The following RABGAP1L variants were observed in gnomAD, a reference collection of about 807,000 sequenced individuals.
The protein encoded by RABGAP1L is RAB GTPase activating protein 1 like, also known as rab GTPase-activating protein 1-like.
In RABGAP1L, 63 loss-of-function variants were observed where a neutral mutation model predicts 137.7. That is an observed-to-expected ratio of 0.46 (90% CI 0.37 to 0.56). The LOEUF (loss-of-function observed/expected upper bound fraction) is 0.56. Among genes scored for constraint, RABGAP1L ranks in the 20% least tolerant of loss-of-function variants. The probability of loss-of-function intolerance (pLI) is 0.00; values close to 1 mark genes in which losing one functional copy is unlikely to be tolerated. For synonymous variants in RABGAP1L, 431 were observed against 433.7 expected (o/e 0.99, Z 0.08); for missense variants, 1,095 against 1,244.0 (o/e 0.88, Z 1.80).
chr1:174,266,826 A>G (rs1200882966), intron 7 of RABGAP1L, among the ~76,000 whole-genome samples: 3 of 152,198 alleles, frequency 2.0e-5, no homozygotes, highest in African/African-American at 7.2e-5. Flanking sequence ...CAGTGCTACA[A>G]AGAAATGAAA....
intron 18 of RABGAP1L, among the ~76,000 whole-genome samples, chr1:174,777,108 C>T (rs1686583539): frequency 6.6e-6 from 1 of 152,162 alleles, no homozygotes; most frequent in South Asian, 2.1e-4. Flanking sequence ...AGCCAAGAAA[C>T]ATATTTGACG....
chr1:174,679,484 A>G (rs1677888799), intron 14 of RABGAP1L, among the ~76,000 whole-genome samples: 1 of 152,242 alleles, frequency 6.6e-6, no homozygotes, highest in African/African-American at 2.4e-5. Flanking sequence ...TTCATGGTGA[A>G]AGACAATGTT....
chr1:174,636,913 T>G (rs944549806), intron 13 of RABGAP1L, among the ~76,000 whole-genome samples: 1 of 152,102 alleles, frequency 6.6e-6, no homozygotes, highest in African/African-American at 2.4e-5. Context: ...TAGAAAAAAA[T>G]GCAAAGAAGA....
At chr1:174,636,376 A>G (rs1184681576) in intron 13 of RABGAP1L, among the ~76,000 whole-genome samples, 1 of 152,022 alleles carries the variant, frequency 6.6e-6, no homozygotes, top group Non-Finnish European at 1.5e-5. Flanking sequence ...ACACACAAAA[A>G]AAATAGCTGG....
chr1:174,967,975 T>C (rs1444220487), intron 20 of RABGAP1L, among the ~76,000 whole-genome samples: 1 of 151,138 alleles, frequency 6.6e-6, no homozygotes, highest in Non-Finnish European at 1.5e-5. Flanking sequence ...GCTGGTATAA[T>C]CAAGGTGCGG....
chr1:174,747,869 AT>A (rs1266306653), intron 17 of RABGAP1L, among the ~76,000 whole-genome samples: 1 of 121,814 alleles, frequency 8.2e-6, no homozygotes, highest in Non-Finnish European at 1.6e-5. Context: ...TATGCATTTT[AT>A]CTTTTTTTTT....
chr1:174,632,966 G>T (rs1250912223), intron 13 of RABGAP1L, among the ~76,000 whole-genome samples: 2 of 151,978 alleles, frequency 1.3e-5, no homozygotes, highest in Non-Finnish European at 2.9e-5. Context: ...GAGGAGAGGC[G>T]CTCTGCGTTT....
intron 1 of RABGAP1L, among the ~76,000 whole-genome samples, chr1:174,183,760 A>C (rs1412897837): frequency 6.6e-6 from 1 of 152,142 alleles, no homozygotes; most frequent in East Asian, 1.9e-4. Flanking sequence ...TCCTGTCTTC[A>C]GCCTATTCCT....
At chr1:174,210,434 T>C (rs1668800413) in intron 1 of RABGAP1L, among the ~76,000 whole-genome samples, 1 of 152,174 alleles carries the variant, frequency 6.6e-6, no homozygotes, top group Admixed American at 6.5e-5. Context: ...AATTGAAAAA[T>C]GCTGTTGACA....
intron 18 of RABGAP1L, among the ~76,000 whole-genome samples, chr1:174,778,151 C>A (rs1229135480): frequency 9.2e-5 from 14 of 152,100 alleles, no homozygotes; most frequent in Admixed American, 8.5e-4. Flanking sequence ...AAGGTAAAAT[C>A]TTAAAAAGCA....
chr1:174,722,425 T>C (rs1310900858), intron 17 of RABGAP1L, among the ~76,000 whole-genome samples: 1 of 152,040 alleles, frequency 6.6e-6, no homozygotes, highest in African/African-American at 2.4e-5. Context: ...TGACTAGCTT[T>C]TCCCATTTTT....
intron 13 of RABGAP1L, among the ~76,000 whole-genome samples, chr1:174,472,537 GA>G (rs1362887373): frequency 6.6e-6 from 1 of 152,148 alleles, no homozygotes; most frequent in African/African-American, 2.4e-5. Flanking sequence ...TCAGTAAAGG[GA>G]AAAGGCACAT....
intron 13 of RABGAP1L, among the ~76,000 whole-genome samples, chr1:174,608,895 G>C (rs1670980534): frequency 6.6e-6 from 1 of 151,996 alleles, no homozygotes; most frequent in South Asian, 2.1e-4. Flanking sequence ...AAGAACACAT[G>C]GTTTAGCTGG....
At chr1:174,499,375 T>C (rs1402717775) in intron 13 of RABGAP1L, among the ~76,000 whole-genome samples, 6 of 152,220 alleles carry the variant, frequency 3.9e-5, no homozygotes, top group Non-Finnish European at 8.8e-5. Context: ...CTTAGAACAT[T>C]TAGGAAAACT....
chr1:174,597,541 G>A (rs1390093198), intron 13 of RABGAP1L, among the ~76,000 whole-genome samples: 3 of 151,722 alleles, frequency 2.0e-5, no homozygotes, highest in Non-Finnish European at 2.9e-5. Flanking sequence ...TTGAATTTCT[G>A]TGGAATCAGT....
chr1:174,949,458 T>C (rs899363640), intron 19 of RABGAP1L, among the ~76,000 whole-genome samples: 6 of 152,216 alleles, frequency 3.9e-5, no homozygotes, highest in African/African-American at 1.4e-4. Context: ...TAGTGATGGA[T>C]TGCCTGAGCA....
In RABGAP1L at chr1:174,644,293, C is replaced by T. The variant is rs1306911112; in HGVS notation, c.1824+6805C>T. Among the ~76,000 whole-genome samples, 3 of 151,938 alleles carry T rather than the reference C, an allele frequency of 2.0e-5. No homozygotes were observed. In the South Asian group the frequency reaches 6.2e-4, roughly 31 times the overall value. On this transcript the variant is annotated intron_variant, in intron 14 of 25. Transcript: ENST00000681986. ...TCTTCATGGTCTTAGTCCCTAAGAG[C>T]TTTCCTTGAAATAGCTTTTTAGTTT... is the stretch of plus-strand genomic sequence containing the variant.
chr1:174,775,781 G>A lies in RABGAP1L; in HGVS notation c.2211+23427G>A, dbSNP rs1026596128. Among the ~76,000 whole-genome samples the A allele has an allele frequency of 1.8e-4, 28 of 152,072 alleles. 1 individual carries two copies. Among genetic ancestry groups the A allele is most frequent in the Admixed American group, 1.6e-3 (24 of 15,258 alleles). ...CATCTGCTCAAAGTCAAGAATACCC[G>A]GATGGTGCACATTCCTGATTTTCAG... On this transcript the variant is annotated intron_variant, in intron 18 of 25. Transcript: ENST00000681986.
intron 14 of RABGAP1L, among the ~76,000 whole-genome samples, chr1:174,645,605 T>C (rs1030882119): frequency 2.0e-5 from 3 of 152,160 alleles, no homozygotes; most frequent in Non-Finnish European, 4.4e-5. Flanking sequence ...ACATTTTCTT[T>C]ATCCAGTCTA....
Sources: gnomAD v4.1 joint callset for allele counts (sites outside exome capture counted in the v4.1 genomes callset) on GRCh38, gnomAD v4.1.1 for gene constraint, MANE v1.5 for transcripts, NCBI Gene and HGNC (gene_info 2026-07-23, HGNC 2026-07-21) for gene names.